The following PNKD variants were observed in gnomAD, a reference collection of about 807,000 sequenced individuals.
PNKD encodes the protein PNKD metallo-beta-lactamase domain containing.
Under a neutral mutation model 45.3 loss-of-function variants are expected in PNKD, and 36 were observed. That is an observed-to-expected ratio of 0.80 (90% CI 0.61 to 1.05). The LOEUF (loss-of-function observed/expected upper bound fraction) is 1.05. Ranked by LOEUF, PNKD falls within the 50% of genes least tolerant of loss-of-function variation. The pLI is 0.00. For missense variants in PNKD, 511 were observed against 506.6 expected (o/e 1.01, Z -0.08); for synonymous variants, 197 against 210.1 (o/e 0.94, Z 0.54).
chr2:218,318,665 C>T (rs1254559366), intron 2 of PNKD, among the ~76,000 whole-genome samples: 1 of 152,220 alleles, frequency 6.6e-6, no homozygotes, highest in African/African-American at 2.4e-5. Flanking sequence ...CTGCTCTGGG[C>T]CAGGTATTAT....
chr2:218,310,245 C>G lies in PNKD; in HGVS notation c.237-29538C>G, dbSNP rs968164149. Among the ~76,000 whole-genome samples the G allele has an allele frequency of 9.9e-5, 15 of 152,202 alleles. 1 individual carries two copies. The East Asian group carries it at 2.9e-3, about 29-fold the overall frequency. ...TTTGTTTTGTTTTGTTTTTTTGAGA[C>G]GGAATCTCACTCTGTCACCCAAGCT... On this transcript the variant is annotated intron_variant, in intron 2 of 9. Coordinates refer to ENST00000273077, the MANE Select transcript of PNKD (RefSeq NM_015488.5).
chr2:218,314,692 G>GTT (rs530877937), intron 2 of PNKD, among the ~76,000 whole-genome samples: 1 of 143,686 alleles, frequency 7.0e-6, no homozygotes, highest in Non-Finnish European at 1.5e-5. Flanking sequence ...ATTTAAGTTC[G>GTT]TTTTTTTTTT....
chr2:218,272,203 C>CA (rs898230432), intron 2 of PNKD, among the ~76,000 whole-genome samples: 3 of 152,282 alleles, frequency 2.0e-5, no homozygotes, highest in African/African-American at 7.2e-5. Flanking sequence ...GGCCAAGTCT[C>CA]AGAGAGGGAA....
At chr2:218,305,705 G>GC (rs773171553) in intron 2 of PNKD, among the ~76,000 whole-genome samples, 1 of 152,082 alleles carries the variant, frequency 6.6e-6, no homozygotes, top group Admixed American at 6.6e-5. Context: ...CTCTGGGTGT[G>GC]CCCCCTTCCG....
intron 2 of PNKD, among the ~76,000 whole-genome samples, chr2:218,314,617 AT>A (rs997170529): frequency 6.6e-6 from 1 of 151,232 alleles, no homozygotes; most frequent in Non-Finnish European, 1.5e-5. Flanking sequence ...AATTGAGGTC[AT>A]TGTGTTTTCA....
chr2:218,271,947 G>T (rs1690853086), intron 2 of PNKD, among the ~76,000 whole-genome samples: 1 of 152,154 alleles, frequency 6.6e-6, no homozygotes, highest in South Asian at 2.1e-4. Context: ...ACATATTATT[G>T]ACCAATATTA....
At chr2:218,279,637 C>T in intron 2 of PNKD, 1 of 489,196 alleles carries the variant, frequency 2.0e-6, no homozygotes, top group Non-Finnish European at 3.7e-6. Flanking sequence ...TCTGCACTCC[C>T]AGCAGCTCAG....
At chr2:218,341,722 A>C in intron 6 of PNKD, 96 bp downstream of exon 6, 1 of 987,192 alleles carries the variant, frequency 1.0e-6, no homozygotes, top group Non-Finnish European at 1.6e-6. Flanking sequence ...CAGCAGGTGG[A>C]TCTTTGCCAG....
At chr2:218,341,047 G>A (rs1694658728) in intron 5 of PNKD, among the ~76,000 whole-genome samples, 1 of 152,228 alleles carries the variant, frequency 6.6e-6, no homozygotes, top group South Asian at 2.1e-4. Flanking sequence ...GATACCTACT[G>A]CACACTGGGC....
chr2:218,289,625 GAAAAAAAAAA>G (rs10675061), intron 2 of PNKD, among the ~76,000 whole-genome samples: 9 of 87,770 alleles, frequency 1.0e-4, no homozygotes, highest in Admixed American at 1.5e-4. Context: ...CTGGGCGACA[GAAAAAAAAAA>G]AAAAAAAAAA....
intron 2 of PNKD, chr2:218,279,307 A>G (rs1320305055): frequency 3.1e-6 from 5 of 1,588,682 alleles, no homozygotes; most frequent in South Asian, 1.1e-5. Context: ...GAAGATAGCA[A>G]TGATGGCCAC....
In PNKD at chr2:218,287,491, C is replaced by T. The variant is rs550087491; in HGVS notation, c.236+15942C>T. Reference sequence around the variant, plus strand: ...TTGGGAGGCCGAGGCAGGTGGATCACGAGGTCAGGAGATCAAGACCATCGT... The same window carrying T: ...TTGGGAGGCCGAGGCAGGTGGATCATGAGGTCAGGAGATCAAGACCATCGT... On this transcript the variant is annotated intron_variant, in intron 2 of 9. Coordinates refer to ENST00000273077, the MANE Select transcript of PNKD (RefSeq NM_015488.5). Among the ~76,000 whole-genome samples, 28 of 152,188 alleles carry T rather than the reference C, an allele frequency of 1.8e-4. No individual in the cohort carries two copies. The East Asian group carries it at 5.4e-3, about 29-fold the overall frequency.
At chr2:218,283,016 G>A (rs968669876) in intron 2 of PNKD, among the ~76,000 whole-genome samples, 2 of 152,184 alleles carry the variant, frequency 1.3e-5, no homozygotes, top group African/African-American at 2.4e-5. Flanking sequence ...ACCCTGGAGG[G>A]GGAGACAGAT....
At chr2:218,343,942 T>C (rs754784714) in intron 8 of PNKD, among the ~76,000 whole-genome samples, 2 of 152,268 alleles carry the variant, frequency 1.3e-5, no homozygotes, top group Non-Finnish European at 2.9e-5. Context: ...CCACTCTGCA[T>C]GTAACCATTG....
chr2:218,273,909 G>C (rs1051568802), intron 2 of PNKD, among the ~76,000 whole-genome samples: 19 of 152,174 alleles, frequency 1.2e-4, no homozygotes, highest in Admixed American at 1.2e-3. Context: ...TTGAGGAAGA[G>C]AGTTAGCTCT....
In PNKD at chr2:218,341,552, C is replaced by A; in HGVS notation, c.543C>A (p.Asn181Lys). ...CCTGCAGGGACCACAGTGGAGGGAA[C>A]CGTGACCTCAGCCGGCGGCACCGGG... ...THKHWDHSGG[N>K]RDLSRRHRDC... is the part of the protein sequence containing the mutation. The change falls in exon 6 of 10, where the codon AAC becomes AAA. Residue 181 changes from asparagine to lysine, a missense_variant. By Grantham distance (94) the Asn-to-Lys change is moderately conservative. Transcript: ENST00000273077. 6.2e-7 allele frequency: 1 copy of A among 1,601,184 alleles called. No homozygotes were observed. Among genetic ancestry groups the A allele is most frequent in the Non-Finnish European group, 8.5e-7 (1 of 1,174,190 alleles).
At chr2:218,282,089 G>A in intron 2 of PNKD, 2 of 1,575,200 alleles carry the variant, frequency 1.3e-6, no homozygotes, top group South Asian at 2.3e-5. Flanking sequence ...CGGAGGGCCT[G>A]GGTACAGGGG....
intron 2 of PNKD, among the ~76,000 whole-genome samples, chr2:218,312,557 ATGT>A (rs1265612670): frequency 1.0e-5 from 1 of 96,654 alleles, no homozygotes; most frequent in African/African-American, 4.3e-5. Context: ...TGCCACACCC[ATGT>A]TGTTTAAAAA....
At chr2:218,341,901 C>A in intron 6 of PNKD, 80 bp from the exon 7 acceptor site, 2 of 1,171,344 alleles carry the variant, frequency 1.7e-6, no homozygotes, top group South Asian at 1.3e-5. Context: ...AATCACCCAG[C>A]CCCTTGGGCC....
Sources: allele counts gnomAD v4.1 joint callset (sites outside exome capture counted in the v4.1 genomes callset), GRCh38; gene constraint gnomAD v4.1.1; transcripts MANE v1.5; gene names NCBI Gene and HGNC (gene_info 2026-07-23, HGNC 2026-07-21).